NEK1: variants seen among roughly 807,000 people sequenced by gnomAD.
The protein encoded by NEK1 is NIMA related kinase 1, also known as serine/threonine-protein kinase Nek1.
In NEK1, 137 loss-of-function variants were observed where a neutral mutation model predicts 182.1. The ratio of observed to expected loss-of-function variants is 0.75; its 90% CI spans 0.65 to 0.87. NEK1 has a LOEUF of 0.87. NEK1 is among the 40% of genes least tolerant of loss of function. The pLI is 0.00. For synonymous variants in NEK1, 513 were observed against 492.2 expected, an observed-to-expected ratio of 1.04 and a Z score of -0.56; for missense variants, 1,391 against 1,494.4, an observed-to-expected ratio of 0.93 and a Z score of 1.14.
intron 10 of NEK1, among the ~76,000 whole-genome samples, chr4:169,581,647 G>A (rs149133744): frequency 6.6e-6 from 1 of 152,152 alleles, no homozygotes; most frequent in African/African-American, 2.4e-5. Context: ...TAATGAACAA[G>A]GTAGGCATCC....
chr4:169,488,552 A>G (rs923353593), intron 23 of NEK1, among the ~76,000 whole-genome samples: 1 of 152,134 alleles, frequency 6.6e-6, no homozygotes, highest in Admixed American at 6.5e-5. Context: ...TTGTACCAGT[A>G]CCATGCTGGT....
chr4:169,563,029 A>G (rs2149953410), intron 12 of NEK1, among the ~76,000 whole-genome samples: 1 of 152,034 alleles, frequency 6.6e-6, no homozygotes, highest in Non-Finnish European at 1.5e-5. Context: ...TTCTTTCACA[A>G]TTATCTTATA....
intron 11 of NEK1, among the ~76,000 whole-genome samples, chr4:169,578,544 G>A (rs1766082998): frequency 6.6e-6 from 1 of 152,060 alleles, no homozygotes; most frequent in Non-Finnish European, 1.5e-5. Flanking sequence ...AATTGTAATA[G>A]AAAATGTTCA....
At chr4:169,477,383 T>C (rs187931391) in intron 25 of NEK1, 31 bp from the exon 26 acceptor site, 183 of 1,551,516 alleles carry the variant, frequency 1.2e-4, no homozygotes, top group Non-Finnish European at 1.5e-4. Context: ...TATTTTAATA[T>C]GTATATCATT....
In NEK1 at chr4:169,426,243, G is replaced by C; in HGVS notation, c.2886-9C>G. ...TGATCCTATCTGCCGACCTGCCACA[G>C]ATGGGTACACCAATTAAAAACACAC... On this transcript the variant is annotated splice_polypyrimidine_tract_variant and intron_variant, in intron 29 of 35. Transcript: ENST00000507142. 6 of 1,610,354 alleles carry C rather than the reference G, an allele frequency of 3.7e-6. No homozygotes were observed. Among genetic ancestry groups the C allele is most frequent in the Non-Finnish European group, 5.1e-6 (6 of 1,177,636 alleles).
chr4:169,455,142 A>C (rs948061570), intron 27 of NEK1, among the ~76,000 whole-genome samples: 1 of 152,174 alleles, frequency 6.6e-6, no homozygotes, highest in Non-Finnish European at 1.5e-5. Context: ...TTACTTTGAC[A>C]CAGGGCAGGG....
rs758631071 is a variant in NEK1, at chr4:169,477,337, G to A, written c.2221C>T (p.Leu741Phe). The A allele has an allele frequency of 1.3e-6, 2 of 1,572,522 alleles. No homozygotes were observed. The highest frequency in any genetic ancestry group is 2.7e-5 in the African/African-American group (2 of 73,798). ...NNAISSKREI[L>F]RRLNENLKAQ... is the part of the protein sequence containing the mutation. The stretch of plus-strand genomic sequence containing the variant: ...TTAAGATTTTCATTTAATCTACGAA[G>A]TATTTCTCGCTTACTCTGAAAGTCA... Residue 741 changes from leucine (L) to phenylalanine (F), a missense_variant, in exon 26 of 36, where the codon CTT (leucine) becomes TTT (phenylalanine). Coordinates refer to ENST00000507142, the MANE Select transcript of NEK1 (RefSeq NM_001199397.3).
At chr4:169,521,433 A>AC (rs1756016234) in intron 19 of NEK1, among the ~76,000 whole-genome samples, 1 of 149,048 alleles carries the variant, frequency 6.7e-6, no homozygotes, top group Non-Finnish European at 1.5e-5. Flanking sequence ...TGAACCCGGT[A>AC]CCTCAGATGG....
chr4:169,477,592 T>A (rs1747205662), intron 24 of NEK1, 95 bp from the exon 25 acceptor site: 1 of 919,908 alleles, frequency 1.1e-6, no homozygotes, highest in Non-Finnish European at 1.6e-6. Context: ...TGGTTTTCAT[T>A]AATTTGTTCC....
At chr4:169,587,303 C>A (rs756976921) in intron 9 of NEK1, among the ~76,000 whole-genome samples, 8 of 151,680 alleles carry the variant, frequency 5.3e-5, no homozygotes, top group Non-Finnish European at 1.2e-4. Context: ...AAGAAAATAG[C>A]AAAATTTATT....
rs776651638 is a variant in NEK1, at chr4:169,424,616, A to G, written c.3159T>C (p.Asn1053=). 28 of 1,612,932 alleles carry G rather than the reference A, an allele frequency of 1.7e-5. No individual in the cohort carries two copies. In the South Asian group the frequency reaches 3.0e-4, roughly 17 times the overall value. The change falls in exon 31 of 36, where the codon AAT becomes AAC. Residue 1053 remains asparagine, a synonymous_variant. Coordinates refer to ENST00000507142, the MANE Select transcript of NEK1 (RefSeq NM_001199397.3). ...FRSHSHLPPK[N]KNKNSLLIGL... is the part of the protein sequence containing the mutation. ...CAATCAGCAAGGAATTCTTGTTTTTATTTTTTGGTGGTAAATGCGAGTGAG... is the reference window on the plus strand; with the variant it reads ...CAATCAGCAAGGAATTCTTGTTTTTGTTTTTTGGTGGTAAATGCGAGTGAG...
At chr4:169,549,340 CAG>C (rs1183665796) in intron 18 of NEK1, among the ~76,000 whole-genome samples, 1 of 152,208 alleles carries the variant, frequency 6.6e-6, no homozygotes, top group Non-Finnish European at 1.5e-5. Flanking sequence ...GTTGGAAATG[CAG>C]GAATCACACG....
At chr4:169,438,429 A>T (rs1380853956) in intron 27 of NEK1, among the ~76,000 whole-genome samples, 170 bp from the exon 28 acceptor site, 1 of 152,260 alleles carries the variant, frequency 6.6e-6, no homozygotes, top group Non-Finnish European at 1.5e-5. Flanking sequence ...TGAAAGTCAA[A>T]TTTCATTTCA....
chr4:169,589,595 A>G (rs1768098245), intron 6 of NEK1, 81 bp from the exon 7 acceptor site: 6 of 928,490 alleles, frequency 6.5e-6, no homozygotes, highest in African/African-American at 1.7e-5. Context: ...TAAAATTTAA[A>G]ATCCAGTTAA....
At chr4:169,575,383 A>T (rs1318545910) in intron 12 of NEK1, among the ~76,000 whole-genome samples, 1 of 152,240 alleles carries the variant, frequency 6.6e-6, no homozygotes, top group Non-Finnish European at 1.5e-5. Flanking sequence ...CAAAGGCAGA[A>T]GCTTCTCTTC....
chr4:169,415,719 G>A (rs1220800641), intron 31 of NEK1, among the ~76,000 whole-genome samples: 1 of 152,158 alleles, frequency 6.6e-6, no homozygotes, highest in African/African-American at 2.4e-5. Context: ...GGCAATCAAA[G>A]CATTACTCTG....
intron 27 of NEK1, among the ~76,000 whole-genome samples, chr4:169,448,724 G>T (rs928021846): frequency 1.3e-5 from 2 of 152,202 alleles, no homozygotes; most frequent in Non-Finnish European, 2.9e-5. Flanking sequence ...CCAGTCTACA[G>T]CTTCCAGCGT....
chr4:169,498,501 G>A (rs370693759), intron 23 of NEK1, among the ~76,000 whole-genome samples: 15 of 152,094 alleles, frequency 9.9e-5, no homozygotes, highest in East Asian at 7.7e-4. Flanking sequence ...TACTAGCCTC[G>A]ATGGTCTTTA....
intron 29 of NEK1, among the ~76,000 whole-genome samples, chr4:169,433,055 G>A (rs891920919): frequency 6.6e-6 from 1 of 151,822 alleles, no homozygotes; most frequent in Admixed American, 6.6e-5. Context: ...GTGAACCACC[G>A]TGCCTGGCCC....
Sources: gnomAD v4.1 joint callset for allele counts (sites outside exome capture counted in the v4.1 genomes callset) on GRCh38, gnomAD v4.1.1 for gene constraint, MANE v1.5 for transcripts, NCBI Gene and HGNC (gene_info 2026-07-23, HGNC 2026-07-21) for gene names.